Variants in PDE4D observed in about 807,000 individuals in gnomAD.
PDE4D encodes the protein 3',5'-cyclic-AMP phosphodiesterase 4D.
PDE4D carries 24 observed loss-of-function variants against 87.4 expected under a neutral mutation model. The ratio of observed to expected loss-of-function variants is 0.27; its 90% CI spans 0.20 to 0.39. The LOEUF is 0.39. Among genes scored for constraint, PDE4D ranks in the 10% least tolerant of loss-of-function variants. The pLI is 1.00. For synonymous variants in PDE4D, 384 were observed against 383.2 expected, an observed-to-expected ratio of 1.00 and a Z score of -0.02; for missense variants, 714 against 1,041.0, an observed-to-expected ratio of 0.69 and a Z score of 4.32.
intron 1 of PDE4D, among the ~76,000 whole-genome samples, chr5:59,574,072 TTATATA>T (rs1168178213): frequency 8.1e-5 from 1 of 12,332 alleles, no homozygotes; most frequent in African/African-American, 2.4e-4. Flanking sequence ...ATATATATAT[TTATATA>T]TATATTTATA....
chr5:59,322,305 C>G (rs1156973207), intron 1 of PDE4D, among the ~76,000 whole-genome samples: 1 of 152,038 alleles, frequency 6.6e-6, no homozygotes, highest in Non-Finnish European at 1.5e-5. Context: ...GAACATAAAC[C>G]TCTAGAGGAA....
chr5:59,147,515 T>A (rs1778844803), intron 5 of PDE4D, among the ~76,000 whole-genome samples: 1 of 152,170 alleles, frequency 6.6e-6, no homozygotes, highest in African/African-American at 2.4e-5. Context: ...TTTCATTGAA[T>A]TGGGCAGTGG....
intron 5 of PDE4D, among the ~76,000 whole-genome samples, chr5:59,062,770 C>CT (rs539110386): frequency 1.4e-5 from 2 of 138,568 alleles, no homozygotes; most frequent in Admixed American, 7.6e-5. Flanking sequence ...CCAGATAAAA[C>CT]TTTTTTTAAA....
At chr5:59,404,002 G>T (rs1253444339) in intron 1 of PDE4D, among the ~76,000 whole-genome samples, 1 of 152,142 alleles carries the variant, frequency 6.6e-6, no homozygotes, top group Non-Finnish European at 1.5e-5. Flanking sequence ...CATTTTAACT[G>T]GGGTGAGATA....
chr5:60,380,057 C>T (rs917691755), intron 1 of PDE4D, among the ~76,000 whole-genome samples: 7 of 152,164 alleles, frequency 4.6e-5, no homozygotes, highest in East Asian at 1.9e-4. Context: ...AAAATGTGCC[C>T]GATGCTGGTT....
intron 1 of PDE4D, among the ~76,000 whole-genome samples, chr5:59,318,762 T>C (rs1205906922): frequency 3.3e-5 from 5 of 152,152 alleles, no homozygotes; most frequent in Admixed American, 2.6e-4. Flanking sequence ...TCTGGATGCA[T>C]GCTGTTTTTG....
chr5:59,502,531 A>G (rs1270438794), intron 1 of PDE4D, among the ~76,000 whole-genome samples: 1 of 152,146 alleles, frequency 6.6e-6, no homozygotes, highest in Non-Finnish European at 1.5e-5. Context: ...CTAATGAAAC[A>G]TAAATTTAAA....
rs1311991997 is a variant in PDE4D, at chr5:60,138,808, AC to A, written c.42+46748del. 5.9e-5 allele frequency among the ~76,000 whole-genome samples: 9 copies of A among 152,246 alleles called. 1 individual carries two copies. Among genetic ancestry groups the A allele is most frequent in the African/African-American group, 2.2e-4 (9 of 41,572 alleles). ...TAAATATATATACTGATATATAACTACTATAAATAATTGCCTCCAATTATTA... is the reference window on the plus strand; with the variant it reads ...TAAATATATATACTGATATATAACTATATAAATAATTGCCTCCAATTATTA... On this transcript the variant is annotated intron_variant, in intron 2 of 16. Coordinates refer to the PDE4D transcript ENST00000502484.
chr5:60,466,440 G>T (rs908163767), intron 1 of PDE4D, among the ~76,000 whole-genome samples: 6 of 152,118 alleles, frequency 3.9e-5, no homozygotes, highest in Non-Finnish European at 8.8e-5. Flanking sequence ...TACAACAGGA[G>T]GCAGATACCA....
intron 1 of PDE4D, among the ~76,000 whole-genome samples, chr5:59,459,735 T>C (rs565263380): frequency 4.7e-4 from 72 of 152,232 alleles, no homozygotes; most frequent in Non-Finnish European, 7.9e-4. Flanking sequence ...ATCTGTTCAA[T>C]TCTTTTAGTT....
At chr5:59,835,507 T>C (rs1383876526) in intron 1 of PDE4D, among the ~76,000 whole-genome samples, 3 of 152,062 alleles carry the variant, frequency 2.0e-5, no homozygotes, top group Non-Finnish European at 2.9e-5. Context: ...TCATTACTAA[T>C]TTTTTCAAAG....
chr5:59,394,974 G>A (rs1384363428), intron 1 of PDE4D, among the ~76,000 whole-genome samples: 1 of 152,106 alleles, frequency 6.6e-6, no homozygotes, highest in East Asian at 1.9e-4. Context: ...GGTGACGGAT[G>A]GCACCTGGAG....
At chr5:59,120,937 A>G (rs1010489198) in intron 5 of PDE4D, among the ~76,000 whole-genome samples, 2 of 152,238 alleles carry the variant, frequency 1.3e-5, no homozygotes, top group African/African-American at 4.8e-5. Flanking sequence ...TTGATTTTCT[A>G]TAAAGGCACC....
intron 1 of PDE4D, among the ~76,000 whole-genome samples, chr5:59,852,834 A>C (rs562112885): frequency 6.6e-6 from 1 of 152,142 alleles, no homozygotes; most frequent in African/African-American, 2.4e-5. Context: ...TAAAAAAAAA[A>C]AGAGTCGTTC....
intron 1 of PDE4D, among the ~76,000 whole-genome samples, chr5:60,223,503 T>C (rs771113326): frequency 6.6e-6 from 1 of 152,100 alleles, no homozygotes; most frequent in Non-Finnish European, 1.5e-5. Context: ...AGGCTCATGA[T>C]GACCCACAAG....
At chr5:59,847,145 C>T (rs926727479) in intron 1 of PDE4D, among the ~76,000 whole-genome samples, 1 of 151,954 alleles carries the variant, frequency 6.6e-6, no homozygotes, top group Non-Finnish European at 1.5e-5. Flanking sequence ...GCTGCCTTTT[C>T]ATACAACTCG....
At chr5:59,599,479 G>T (rs180944969) in intron 1 of PDE4D, among the ~76,000 whole-genome samples, 5 of 151,856 alleles carry the variant, frequency 3.3e-5, no homozygotes, top group African/African-American at 9.7e-5. Flanking sequence ...GACCTCAGGT[G>T]ATCCGCCCAC....
intron 1 of PDE4D, among the ~76,000 whole-genome samples, chr5:60,251,573 T>C (rs1748463395): frequency 6.6e-6 from 1 of 152,010 alleles, no homozygotes; most frequent in African/African-American, 2.4e-5. Context: ...TATTCCATGG[T>C]GTATATGTAC....
chr5:59,203,478 A>G (rs1046745832), intron 2 of PDE4D, among the ~76,000 whole-genome samples: 12 of 152,186 alleles, frequency 7.9e-5, no homozygotes, highest in African/African-American at 2.9e-4. Context: ...CAGCAATTCT[A>G]CTTCTGGGTA....
Sources: allele counts gnomAD v4.1 joint callset (sites outside exome capture counted in the v4.1 genomes callset), GRCh38; gene constraint gnomAD v4.1.1; transcripts MANE v1.5; gene names NCBI Gene and HGNC (gene_info 2026-07-23, HGNC 2026-07-21).